HRH4: variants seen among roughly 807,000 people sequenced by gnomAD.
The protein encoded by HRH4 is histamine receptor H4, also known as histamine H4 receptor.
A neutral mutation model predicts 10.4 loss-of-function variants in HRH4; 12 were observed. The ratio of observed to expected loss-of-function variants is 1.15; its 90% CI spans 0.74 to 1.87. HRH4 has a LOEUF of 1.87. Ranked by LOEUF, HRH4 falls within the 40% of genes most tolerant of loss-of-function variation. The pLI is 0.00. For missense variants in HRH4, 415 were observed against 453.3 expected, an observed-to-expected ratio of 0.92 and a Z score of 0.77; for synonymous variants, 154 against 166.6, an observed-to-expected ratio of 0.92 and a Z score of 0.58.
At chr18:24,471,054 A>G (rs2144376104) in intron 2 of HRH4, among the ~76,000 whole-genome samples, 1 of 151,960 alleles carries the variant, frequency 6.6e-6, no homozygotes, top group East Asian at 1.9e-4. Flanking sequence ...TCGAGCCACC[A>G]CATAGTCAGG....
At chr18:24,469,298 C>T (rs1407951782) in intron 2 of HRH4, among the ~76,000 whole-genome samples, 2 of 152,074 alleles carry the variant, frequency 1.3e-5, no homozygotes, top group South Asian at 2.1e-4. Context: ...TGAATATATT[C>T]CTCGGAATGG....
At chr18:24,469,624 C>A (rs1367223979) in intron 2 of HRH4, among the ~76,000 whole-genome samples, 1 of 152,132 alleles carries the variant, frequency 6.6e-6, no homozygotes, top group Non-Finnish European at 1.5e-5. Context: ...GATCTGAAAC[C>A]TTTGAGGCCT....
intron 2 of HRH4, among the ~76,000 whole-genome samples, chr18:24,472,012 G>A (rs1208763481): frequency 6.6e-6 from 1 of 151,946 alleles, no homozygotes; most frequent in Non-Finnish European, 1.5e-5. Context: ...CCAGGGGAAT[G>A]TAGACTTTCT....
chr18:24,468,040 A>G (rs1909824595), intron 1 of HRH4, among the ~76,000 whole-genome samples: 1 of 152,092 alleles, frequency 6.6e-6, no homozygotes, highest in African/African-American at 2.4e-5. Context: ...TTAATTTGGA[A>G]AGTAGAAAGG....
intron 1 of HRH4, among the ~76,000 whole-genome samples, chr18:24,465,722 G>A (rs944479561): frequency 3.3e-5 from 5 of 152,076 alleles, no homozygotes; most frequent in Non-Finnish European, 7.4e-5. Flanking sequence ...ACACAAGTAC[G>A]GAAGCATTAC....
At chr18:24,473,971 T>C (rs1910057404) in intron 2 of HRH4, among the ~76,000 whole-genome samples, 1 of 28,678 alleles carries the variant, frequency 3.5e-5, no homozygotes, top group Non-Finnish European at 7.6e-5. Context: ...CCACGCAGCC[T>C]GGTTCCGATT....
intron 2 of HRH4, among the ~76,000 whole-genome samples, chr18:24,472,920 C>T (rs752168742): frequency 3.3e-5 from 5 of 152,154 alleles, no homozygotes; most frequent in East Asian, 1.9e-4. Flanking sequence ...TTTGGAAGGC[C>T]GAGGCTGGCA....
chr18:24,469,079 T>C, intron 2 of HRH4, 128 bp downstream of exon 2: 1 of 665,628 alleles, frequency 1.5e-6, no homozygotes. Context: ...CCCTATCCTT[T>C]TGTTGTCTGG....
rs1910171729 is a variant in HRH4 at position 24,477,364 on chromosome 18, C to A, written c.975C>A (p.Val325=). 4 of 1,613,810 alleles carry A rather than the reference C, an allele frequency of 2.5e-6. No homozygotes were observed. Among genetic ancestry groups the A allele is most frequent in the Non-Finnish European group, 3.4e-6 (4 of 1,179,880 alleles). ...CTCCATATTCTCTGTTCACAATTGT[C>A]CTTTCATTTTATTCCTCAGCAACAG... ...CWAPYSLFTI[V]LSFYSSATGP... is the part of the protein sequence containing the mutation. The change falls in exon 3 of 3, where the codon GTC becomes GTA. Residue 325 remains valine (V), a synonymous_variant. Coordinates refer to ENST00000256906, the MANE Select transcript of HRH4 (RefSeq NM_021624.4).
At chr18:24,468,719 C>A in intron 1 of HRH4, 69 bp from the exon 2 acceptor site, 2 of 1,328,320 alleles carry the variant, frequency 1.5e-6, no homozygotes, top group South Asian at 1.4e-5. Context: ...GTTGTGTAGC[C>A]ATTAAAACAT....
chr18:24,467,144 C>T (rs1172515728), intron 1 of HRH4, among the ~76,000 whole-genome samples: 2 of 152,192 alleles, frequency 1.3e-5, no homozygotes, highest in East Asian at 3.8e-4. Flanking sequence ...TCAGCATGGT[C>T]CCTTCCTCAC....
rs1366526991 is a variant in HRH4 at position 24,460,839 on chromosome 18, T to G, written c.111T>G (p.Ile37Met). The G allele has an allele frequency of 6.3e-7, 1 of 1,591,628 alleles. No individual in the cohort carries two copies. The highest frequency in any genetic ancestry group is 1.1e-5 in the South Asian group (1 of 87,458). Residue 37 changes from isoleucine to methionine, a missense_variant, in exon 1 of 3, where the codon ATT becomes ATG. By Grantham distance (10) the Ile-to-Met change is conservative. Coordinates refer to ENST00000256906, the MANE Select transcript of HRH4 (RefSeq NM_021624.4). ...FAIMLGNALV[I>M]LAFVVDKNLR... ...TAATGCTAGGAAATGCTTTGGTCAT[T>G]TTAGCTTTTGTGGTGGACAAAAACC...
intron 2 of HRH4, among the ~76,000 whole-genome samples, chr18:24,473,867 G>T (rs562897526): frequency 2.0e-5 from 3 of 152,240 alleles, no homozygotes; most frequent in African/African-American, 7.2e-5. Flanking sequence ...TATTGGGGCG[G>T]GAAAAAAGTA....
In HRH4 at chr18:24,479,871, C is replaced by G. The variant is rs1910262101; in HGVS notation, c.*2309C>G. 6.6e-6 allele frequency: 1 copy of G among 152,026 alleles called. No homozygotes were observed. The highest frequency in any genetic ancestry group is 1.5e-5 in the Non-Finnish European group (1 of 68,016). The allele number at this position is 152,026 out of a possible 1,614,324, so 9.4% of individuals were successfully genotyped here. A position where few individuals can be genotyped will look rare whatever the true frequency, so the allele number is the denominator to read the frequency against. The stretch of plus-strand genomic sequence containing the variant: ...TACATAATGTTTATATACACTTATG[C>G]CTTACATTAAAGTCCAATATGAGAA... On this transcript the variant is annotated 3_prime_UTR_variant, in exon 3 of 3. Transcript: ENST00000256906.
intron 1 of HRH4, 107 bp from the exon 2 acceptor site, chr18:24,468,681 T>A: frequency 3.9e-6 from 4 of 1,019,074 alleles, no homozygotes; most frequent in Non-Finnish European, 5.7e-6. Context: ...AGACAAATCA[T>A]TTGTAGTGAA....
At chr18:24,468,349 T>C (rs1909835504) in intron 1 of HRH4, among the ~76,000 whole-genome samples, 2 of 152,206 alleles carry the variant, frequency 1.3e-5, no homozygotes, top group Non-Finnish European at 2.9e-5. Context: ...GCCCCTCCCG[T>C]ATACTTTAAA....
intron 2 of HRH4, among the ~76,000 whole-genome samples, chr18:24,476,260 A>G (rs1162439946): frequency 6.6e-6 from 1 of 152,180 alleles, no homozygotes; most frequent in South Asian, 2.1e-4. Context: ...ATATATATGT[A>G]TCTCTATTCC....
At chr18:24,466,468 A>T (rs915728677) in intron 1 of HRH4, among the ~76,000 whole-genome samples, 2 of 151,980 alleles carry the variant, frequency 1.3e-5, no homozygotes, top group Admixed American at 6.6e-5. Flanking sequence ...TACTCTGGAG[A>T]TGAAAGGCAC....
rs1374425524 is a variant in HRH4, at chr18:24,468,924, T to G, written c.330T>G (p.Tyr110Ter). 6.2e-7 allele frequency: 1 copy of G among 1,609,976 alleles called. No homozygotes were observed. Among genetic ancestry groups the G allele is most frequent in the African/African-American group, 1.3e-5 (1 of 74,910 alleles). Residue 110 changes from tyrosine to a stop codon, truncating the protein, a stop_gained, in exon 2 of 3, where the codon TAT (tyrosine) becomes TAG (stop). Coordinates refer to ENST00000256906, the MANE Select transcript of HRH4 (RefSeq NM_021624.4). LOFTEE classifies it low-confidence loss of function (END_TRUNC). ...ASVYNIVLIS[Y>*]DRYLSVSNAV... is the part of the protein sequence containing the mutation. ...TATATAACATTGTCCTCATCAGCTA[T>G]GATCGATACCTGTCAGTCTCAAATG...
Sources: allele counts gnomAD v4.1 joint callset (sites outside exome capture counted in the v4.1 genomes callset), GRCh38; gene constraint gnomAD v4.1.1; transcripts MANE v1.5; gene names NCBI Gene and HGNC (gene_info 2026-07-23, HGNC 2026-07-21).